The following FRMD1 variants were observed in gnomAD, a reference collection of about 807,000 sequenced individuals.
The protein encoded by FRMD1 is FERM domain containing 1.
A neutral mutation model predicts 54.9 loss-of-function variants in FRMD1; 51 were observed. The observed-to-expected ratio is 0.93, with a 90% CI of 0.74 to 1.17. FRMD1 has a LOEUF of 1.17. Ranked by LOEUF, FRMD1 falls within the 50% of genes most tolerant of loss-of-function variation. The probability of loss-of-function intolerance (pLI) is 0.00; values close to 1 mark genes in which losing one functional copy is unlikely to be tolerated. For missense variants in FRMD1, 729 were observed against 743.0 expected (o/e 0.98, Z 0.22); for synonymous variants, 324 against 306.4 (o/e 1.06, Z -0.60).
upstream of FRMD1, among the ~76,000 whole-genome samples, chr6:168,079,558 C>T (rs13191442): frequency 3.3e-5 from 5 of 152,146 alleles, no homozygotes; most frequent in Admixed American, 1.3e-4. Context: ...CAGGGCAGGA[C>T]GAGGAGGGCG....
chr6:168,064,392 C>T (rs1419858696), intron 5 of FRMD1, among the ~76,000 whole-genome samples: 3 of 152,222 alleles, frequency 2.0e-5, no homozygotes, highest in Non-Finnish European at 4.4e-5. Flanking sequence ...GGACTGGGCA[C>T]ACAGTGGTAC....
chr6:168,062,943 C>T lies in FRMD1; in HGVS notation c.821G>A (p.Arg274His), dbSNP rs115999698. 5.0e-4 allele frequency: 809 copies of T among 1,614,008 alleles called. 7 individuals carry two copies. In the African/African-American group the frequency reaches 9.3e-3, roughly 18 times the overall value. Residue 274 changes from arginine (R) to histidine (H), a missense_variant, in exon 7 of 11, where the codon CGT (arginine) becomes CAT (histidine). Physicochemically the swap from Arg to His is conservative, Grantham distance 29 (BLOSUM62 0). Transcript: ENST00000283309. ...GGCCAGTCCCAGGATCACGGTGGGACGACCTTCCTTCTTATCCTAGAGGAC... is the reference window on the plus strand; with the variant it reads ...GGCCAGTCCCAGGATCACGGTGGGATGACCTTCCTTCTTATCCTAGAGGAC... Reference protein sequence around the residue: ...FRLHKDKKEGRPTVILGLALR... With the variant: ...FRLHKDKKEGHPTVILGLALR...
chr6:168,058,742 A>C (rs1799552180), intron 10 of FRMD1, among the ~76,000 whole-genome samples: 1 of 152,170 alleles, frequency 6.6e-6, no homozygotes, highest in African/African-American at 2.4e-5. Context: ...ACACAGCACT[A>C]GGCCCCGGGT....
At chr6:168,081,538 T>A (rs1167288022), upstream of FRMD1, 1 of 1,516,030 alleles carries the variant, frequency 6.6e-7, no homozygotes. Context: ...CTGGTTTCCA[T>A]CCTCTATCAT....
Position 168,053,860 on chromosome 6 carries a change from C to T in FRMD1, c.*3237G>A, listed in dbSNP as rs1799332607. The T allele has an allele frequency of 6.6e-6, 1 of 152,310 alleles. No individual in the cohort carries two copies. Among genetic ancestry groups the T allele is most frequent in the Non-Finnish European group, 1.5e-5 (1 of 68,112 alleles). The allele number at this position is 152,310 out of a possible 1,614,324, so 9.4% of individuals were successfully genotyped here. A position where few individuals can be genotyped will look rare whatever the true frequency, so the allele number is the denominator to read the frequency against. Reference sequence around the variant, plus strand: ...GGCTGCCCCGGGCCTCCCAGATGGGCACCTGAGGACCCCGGCCTCCTCCTC... The same window carrying T: ...GGCTGCCCCGGGCCTCCCAGATGGGTACCTGAGGACCCCGGCCTCCTCCTC... On this transcript the variant is annotated 3_prime_UTR_variant, in exon 11 of 11. Transcript: ENST00000283309.
intron 1 of FRMD1, among the ~76,000 whole-genome samples, chr6:168,090,909 C>T (rs1208983256): frequency 6.6e-6 from 1 of 152,218 alleles, no homozygotes; most frequent in Admixed American, 6.5e-5. Flanking sequence ...AAATCCAGGT[C>T]TCCTGGTTTC....
Position 168,061,847 on chromosome 6 carries a change from C to CCGCA in FRMD1, c.1001_1004dup (p.Pro336AlafsTer27), listed in dbSNP as rs768980820. On this transcript the variant is annotated frameshift_variant, in exon 8 of 11. Coordinates refer to ENST00000283309, the MANE Select transcript of FRMD1 (RefSeq NM_024919.6). LOFTEE classifies it high-confidence loss of function. ...GCTGCCGCAGCTGTTGCAGAGTGGG[C>CCGCA]CGCACGCGGAGGTGGAGCTGGTGGC... 46 of 1,573,492 alleles carry CCGCA rather than the reference C, an allele frequency of 2.9e-5. No individual in the cohort carries two copies. Among genetic ancestry groups the CCGCA allele is most frequent in the Non-Finnish European group, 3.7e-5 (43 of 1,160,906 alleles).
At position 168,054,489 on chromosome 6, in the gene FRMD1, C is replaced by G. The variant is rs1170523165; in HGVS notation, c.*2608G>C. ...GGGACTTTACCCTGTGCCCCTCCCC[C>G]ACCGGCCTGCCTCATGCCACCTGAA... On this transcript the variant is annotated 3_prime_UTR_variant, in exon 11 of 11. Transcript: ENST00000283309. 6.6e-6 allele frequency: 1 copy of G among 151,432 alleles called. No homozygotes were observed. The highest frequency in any genetic ancestry group is 1.5e-5 in the Non-Finnish European group (1 of 67,850). The allele number at this position is 151,432 out of a possible 1,614,324, so 9.4% of individuals were successfully genotyped here.
At chr6:168,088,113 C>G (rs1184374473) in intron 1 of FRMD1, among the ~76,000 whole-genome samples, 1 of 152,194 alleles carries the variant, frequency 6.6e-6, no homozygotes, top group Non-Finnish European at 1.5e-5. Flanking sequence ...GGTTAGGGCG[C>G]TCTTCGTTCC....
At position 168,064,980 on chromosome 6, in the gene FRMD1, T is replaced by A. The variant is rs1028964435; in HGVS notation, c.539A>T (p.Glu180Val). Reference protein sequence around the residue: ...VLRSQCAHREEAYFLLAACAL... With the variant: ...VLRSQCAHREVAYFLLAACAL... ...GCAGGCAGCCAGCAGGAAGTAGGCT[T>A]CCTCCCGGTGAGCGCACTGTGACCT... Residue 180 changes from glutamate to valine, a missense_variant, in exon 5 of 11, where the codon GAA (glutamate) becomes GTA (valine). Coordinates refer to ENST00000283309, the MANE Select transcript of FRMD1 (RefSeq NM_024919.6). 1 of 1,611,956 alleles carries A rather than the reference T, an allele frequency of 6.2e-7. No individual in the cohort carries two copies. Among genetic ancestry groups the A allele is most frequent in the South Asian group, 1.1e-5 (1 of 91,028 alleles).
chr6:168,075,869 T>G (rs1800569034), intron 1 of FRMD1: 615 of 1,311,170 alleles, frequency 4.7e-4, no homozygotes, highest in Middle Eastern at 8.8e-4. Context: ...ACATTTCCGG[T>G]GCCCGGTGTC....
intron 5 of FRMD1, among the ~76,000 whole-genome samples, chr6:168,064,108 C>T (rs1010984483): frequency 7.2e-5 from 11 of 152,318 alleles, no homozygotes; most frequent in Non-Finnish European, 8.8e-5. Flanking sequence ...GGGTAAGAAT[C>T]GCAGGGACGT....
Position 168,078,866 on chromosome 6 carries a change from C to A in FRMD1, c.213+16G>T. 6.4e-7 allele frequency: 1 copy of A among 1,556,860 alleles called. No homozygotes were observed. The highest frequency in any genetic ancestry group is 1.2e-5 in the South Asian group (1 of 85,740). On this transcript the variant is annotated intron_variant, in intron 1 of 10. Coordinates refer to ENST00000283309, the MANE Select transcript of FRMD1 (RefSeq NM_024919.6). ...CAGCTCTGTTTACCCCCACGGCCAC[C>A]CAGGGCCCTGCTCACCCCCACGGCC...
In FRMD1 at chr6:168,053,250, T is replaced by TTTCCA. The variant is rs1189191159; in HGVS notation, c.*3846_*3847insTGGAA. The TTTCCA allele has an allele frequency of 6.6e-6, 1 of 152,246 alleles. No individual in the cohort carries two copies. The highest frequency in any genetic ancestry group is 1.9e-4 in the East Asian group (1 of 5,168). 9.4% of individuals were successfully genotyped at this position (152,246 alleles called of 1,614,324 possible). On this transcript the variant is annotated 3_prime_UTR_variant, in exon 11 of 11. Transcript: ENST00000283309. ...GGATTTGTTTTCTAACCTTGGCACC[T>TTTCCA]GGAAGGCAGCCTCCCCATCACAGCT... is the stretch of plus-strand genomic sequence containing the variant.
At position 168,059,270 on chromosome 6, in the gene FRMD1, T is replaced by C. The variant is rs2114951459; in HGVS notation, c.1343-82A>G. On this transcript the variant is annotated intron_variant, in intron 9 of 10. Coordinates refer to ENST00000283309, the MANE Select transcript of FRMD1 (RefSeq NM_024919.6). This position sits in a 1 kb window ranked among gnomAD's most constrained non-coding sequence, Gnocchi z 4.4. ...TCCCCAGGGCAGTTCCCTGCACTTCTGGGGCCCTGGTCTCGGACCGGCATC... is the reference window on the plus strand; with the variant it reads ...TCCCCAGGGCAGTTCCCTGCACTTCCGGGGCCCTGGTCTCGGACCGGCATC... The C allele has an allele frequency of 2.5e-6, 3 of 1,209,146 alleles. No individual in the cohort carries two copies. Among genetic ancestry groups the C allele is most frequent in the Non-Finnish European group, 3.5e-6 (3 of 856,074 alleles). 74.9% of individuals were successfully genotyped at this position (1,209,146 alleles called of 1,614,324 possible).
At position 168,087,964 on chromosome 6, in the gene FRMD1, GAC is replaced by G. The variant is rs371293726; in HGVS notation, c.-11-8942_-11-8941del. ...AGGGGCGGCATGAGCCAGCAGGTCA[GAC>G]ACAGAGTGTCAGTGAGGGCGGGGCT... On this transcript the variant is annotated intron_variant, in intron 1 of 12. Transcript: ENST00000644440. 7.2e-3 allele frequency among the ~76,000 whole-genome samples: 1,101 copies of G among 152,308 alleles called. 12 individuals are homozygous for G. The highest frequency in any genetic ancestry group is 0.025 in the African/African-American group (1,053 of 41,566).
chr6:168,072,566 C>T (rs1800361640), intron 2 of FRMD1, among the ~76,000 whole-genome samples: 1 of 152,216 alleles, frequency 6.6e-6, no homozygotes, highest in African/African-American at 2.4e-5. Context: ...CGGACCAGAG[C>T]TCGCCCCCCA....
At chr6:168,069,691 A>T (rs1800203665) in intron 2 of FRMD1, among the ~76,000 whole-genome samples, 1 of 152,204 alleles carries the variant, frequency 6.6e-6, no homozygotes, top group African/African-American at 2.4e-5. Flanking sequence ...TAAGCTTAGT[A>T]CTTCCTAGGA....
chr6:168,067,953 A>AG lies in FRMD1; in HGVS notation c.305-508_305-507insC, dbSNP rs1002852083. ...AATGAGACCTTGTCACCACAGGAAA[A>AG]AAAAAAAAATTAGCTGGGTGTGGCG... On this transcript the variant is annotated intron_variant, in intron 2 of 10. Transcript: ENST00000283309. Among the ~76,000 whole-genome samples the AG allele has an allele frequency of 5.6e-4, 84 of 151,174 alleles. No individual in the cohort carries two copies. The Middle Eastern group carries it at 0.024, about 43-fold the overall frequency.
Sources: gnomAD v4.1 joint callset for allele counts (sites outside exome capture counted in the v4.1 genomes callset) on GRCh38, gnomAD v4.1.1 for gene constraint, Gnocchi (gnomAD v3.1) non-coding constraint, MANE v1.5 for transcripts, NCBI Gene and HGNC (gene_info 2026-07-23, HGNC 2026-07-21) for gene names.